The following IRF2BP2 variants were observed in gnomAD, a reference collection of about 807,000 sequenced individuals.
The protein encoded by IRF2BP2 is interferon regulatory factor 2-binding protein 2.
Under a neutral mutation model 32.7 loss-of-function variants are expected in IRF2BP2, and 13 were observed. The ratio of observed to expected loss-of-function variants is 0.40; its 90% CI spans 0.26 to 0.63. The LOEUF is 0.63. Ranked by LOEUF, IRF2BP2 falls within the 30% of genes least tolerant of loss-of-function variation. The probability of loss-of-function intolerance (pLI) is 0.42; values close to 1 mark genes in which losing one functional copy is unlikely to be tolerated. For missense variants in IRF2BP2, 980 were observed against 830.6 expected (o/e 1.18, Z -2.21); for synonymous variants, 555 against 384.6 (o/e 1.44, Z -5.18).
In IRF2BP2 at chr1:234,607,069, G is replaced by T; in HGVS notation, c.*68C>A. On this transcript the variant is annotated 3_prime_UTR_variant, in exon 2 of 2. Transcript: ENST00000366609. Reference sequence around the variant, plus strand: ...CTTGTCTTGGATATATATATATATGGAGATATATATACAATTCAAGCAGTT... The same window carrying T: ...CTTGTCTTGGATATATATATATATGTAGATATATATACAATTCAAGCAGTT... 1.2e-5 allele frequency: 12 copies of T among 987,280 alleles called. No individual in the cohort carries two copies. Among genetic ancestry groups the T allele is most frequent in the African/African-American group, 3.3e-5 (2 of 61,436 alleles). 61.2% of individuals were successfully genotyped at this position (987,280 alleles called of 1,614,324 possible).
rs1672207008 is a variant in IRF2BP2 at position 234,607,820 on chromosome 1, G to A, written c.1081C>T (p.Pro361Ser). The A allele has an allele frequency of 1.9e-6, 3 of 1,595,960 alleles. No individual in the cohort carries two copies. Among genetic ancestry groups the A allele is most frequent in the East Asian group, 4.5e-5 (2 of 44,566 alleles). Residue 361 changes from proline (P) to serine (S), a missense_variant, in exon 2 of 2, where the codon CCA (proline) becomes TCA (serine). Physicochemically the swap from Pro to Ser is moderately conservative, Grantham distance 74. Transcript: ENST00000366609. ...GGCCCGACTTCACCTTCTGGTTCTGGAGAGGGCTTCCTTTTCCTTGCTGTT... is the reference window on the plus strand; with the variant it reads ...GGCCCGACTTCACCTTCTGGTTCTGAAGAGGGCTTCCTTTTCCTTGCTGTT... ...ARTARKRKPS[P>S]EPEGEVGPPK...
chr1:234,607,827 C>A lies in IRF2BP2; in HGVS notation c.1074G>T (p.Lys358Asn), dbSNP rs775172451. 6.3e-7 allele frequency: 1 copy of A among 1,582,638 alleles called. No homozygotes were observed. ...CTTCACCTTCTGGTTCTGGAGAGGG[C>A]TTCCTTTTCCTTGCTGTTCTTGCAA... ...KAVARTARKR[K>N]PSPEPEGEVG... Residue 358 changes from lysine to asparagine, a missense_variant, in exon 2 of 2, where the codon AAG (lysine) becomes AAT (asparagine). Coordinates refer to ENST00000366609, the MANE Select transcript of IRF2BP2 (RefSeq NM_182972.3).
rs754906464 is a variant in IRF2BP2 at position 234,607,597 on chromosome 1, G to A, written c.1304C>T (p.Ala435Val). 6.2e-7 allele frequency: 1 copy of A among 1,614,246 alleles called. No homozygotes were observed. Among genetic ancestry groups the A allele is most frequent in the Admixed American group, 1.7e-5 (1 of 60,032 alleles). ...MAALILVADN[A>V]GGSHASKDAN... ...ATCTTTTGAGGCATGACTGCCCCCTGCATTGTCTGCTACTAAGATCAGGGC... is the reference window on the plus strand; with the variant it reads ...ATCTTTTGAGGCATGACTGCCCCCTACATTGTCTGCTACTAAGATCAGGGC... The change falls in exon 2 of 2, where the codon GCA becomes GTA. Residue 435 changes from alanine to valine, a missense_variant. Coordinates refer to ENST00000366609, the MANE Select transcript of IRF2BP2 (RefSeq NM_182972.3).
rs1173548507 is a variant in IRF2BP2, at chr1:234,606,465, A to AC, written c.*671_*672insG. 2 of 152,278 alleles carry AC rather than the reference A, an allele frequency of 1.3e-5. No individual in the cohort carries two copies. Among genetic ancestry groups the AC allele is most frequent in the Admixed American group, 6.5e-5 (1 of 15,300 alleles). The allele number at this position is 152,278 out of a possible 1,614,324, so 9.4% of individuals were successfully genotyped here. On this transcript the variant is annotated 3_prime_UTR_variant, in exon 2 of 2. Transcript: ENST00000366609. Reference sequence around the variant, plus strand: ...CAGCGGTCAACTTTGTCTTAAAAAAAAAAAAACAAAAAACCCCAAAAGACC... The same window carrying AC: ...CAGCGGTCAACTTTGTCTTAAAAAAACAAAAAACAAAAAACCCCAAAAGACC...
rs1200544113 is a variant in IRF2BP2, at chr1:234,609,264, G to A, written c.231C>T (p.Ala77=). The A allele has an allele frequency of 1.6e-5, 22 of 1,382,286 alleles. No homozygotes were observed. Among genetic ancestry groups the A allele is most frequent in the East Asian group, 3.1e-5 (1 of 32,476 alleles). 85.6% of individuals were successfully genotyped at this position (1,382,286 alleles called of 1,614,324 possible). The part of the protein sequence containing the change: ...PEGRSPPGAA[A]SAAAKPPPLS... The stretch of plus-strand genomic sequence containing the variant: ...GCGGCGGCGGCTTGGCGGCGGCCGA[G>A]GCCGCGGCGCCGGGTGGGGAGCGAC... The change falls in exon 1 of 2, where the codon GCC becomes GCT. Residue 77 remains alanine (A), a synonymous_variant. Transcript: ENST00000366609.
At position 234,604,482 on chromosome 1, in the gene IRF2BP2, A is replaced by G. The variant is rs1672111334; in HGVS notation, c.*2655T>C. On this transcript the variant is annotated 3_prime_UTR_variant, in exon 2 of 2. Coordinates refer to ENST00000366609, the MANE Select transcript of IRF2BP2 (RefSeq NM_182972.3). ...CTTCAACTTAAAAAAAGTAAAGGTT[A>G]AAAGGTGGCACACTTTTAAAATACT... The G allele has an allele frequency of 6.6e-6, 1 of 152,224 alleles. No homozygotes were observed. Among genetic ancestry groups the G allele is most frequent in the East Asian group, 1.9e-4 (1 of 5,206 alleles). The allele number at this position is 152,224 out of a possible 1,614,324, so 9.4% of individuals were successfully genotyped here. A position where few individuals can be genotyped will look rare whatever the true frequency, so the allele number is the denominator to read the frequency against.
Position 234,607,084 on chromosome 1 carries a change from T to C in IRF2BP2, c.*53A>G, listed in dbSNP as rs1008663873. 90 of 1,252,072 alleles carry C rather than the reference T, an allele frequency of 7.2e-5. No individual in the cohort carries two copies. In the African/African-American group the frequency reaches 1.1e-3, roughly 15 times the overall value. The allele number at this position is 1,252,072 out of a possible 1,614,324, so 77.6% of individuals were successfully genotyped here. ...TATATATATGGAGATATATATACAATTCAAGCAGTTTTAATTAAGGGTAAT... is the reference window on the plus strand; with the variant it reads ...TATATATATGGAGATATATATACAACTCAAGCAGTTTTAATTAAGGGTAAT... On this transcript the variant is annotated 3_prime_UTR_variant, in exon 2 of 2. Coordinates refer to ENST00000366609, the MANE Select transcript of IRF2BP2 (RefSeq NM_182972.3).
rs1396354478 is a variant in IRF2BP2 at position 234,609,622 on chromosome 1, G to A, written c.-128C>T. 1.2e-5 allele frequency: 5 copies of A among 418,936 alleles called. No homozygotes were observed. The highest frequency in any genetic ancestry group is 1.9e-5 in the Non-Finnish European group (5 of 269,196). 26.0% of individuals were successfully genotyped at this position (418,936 alleles called of 1,614,324 possible). On this transcript the variant is annotated 5_prime_UTR_variant, in exon 1 of 2. Coordinates refer to ENST00000366609, the MANE Select transcript of IRF2BP2 (RefSeq NM_182972.3). ...CCGCGTCTCCCCCACCAGCGGCGGCGGCGGCCGCAAAGGCGGCGGCGGCGG... is the reference window on the plus strand; with the variant it reads ...CCGCGTCTCCCCCACCAGCGGCGGCAGCGGCCGCAAAGGCGGCGGCGGCGG...
In IRF2BP2 at chr1:234,609,448, C is replaced by G; in HGVS notation, c.47G>C (p.Cys16Ser). The G allele has an allele frequency of 6.5e-7, 1 of 1,539,258 alleles. No individual in the cohort carries two copies. The highest frequency in any genetic ancestry group is 8.7e-7 in the Non-Finnish European group (1 of 1,145,742). Reference sequence around the variant, plus strand: ...CATGCGGGGCAGGTCACACAGGTAGCACGACTGCCGCCGGGACGCGGCCGC... The same window carrying G: ...CATGCGGGGCAGGTCACACAGGTAGGACGACTGCCGCCGGGACGCGGCCGC... ...AVAAASRRQS[C>S]YLCDLPRMPW... Residue 16 changes from cysteine to serine, a missense_variant, in exon 1 of 2, where the codon TGC becomes TCC. Physicochemically the swap from Cys to Ser is moderately radical, Grantham distance 112. Transcript: ENST00000366609.
At position 234,607,641 on chromosome 1, in the gene IRF2BP2, A is replaced by G. The variant is rs769071405; in HGVS notation, c.1260T>C (p.Asn420=). 44 of 1,614,202 alleles carry G rather than the reference A, an allele frequency of 2.7e-5. No individual in the cohort carries two copies. In the South Asian group the frequency reaches 4.2e-4, roughly 15 times the overall value. The change falls in exon 2 of 2, where the codon AAT becomes AAC. Residue 420 remains asparagine, a synonymous_variant. Transcript: ENST00000366609. ...TCAGGGCTGCCATGGGGGACTGGCCATTCTGGGCCGCTTCAGGCGGTGTGG... is the reference window on the plus strand; with the variant it reads ...TCAGGGCTGCCATGGGGGACTGGCCGTTCTGGGCCGCTTCAGGCGGTGTGG... ...NRTTPPEAAQ[N]GQSPMAALIL...
At position 234,609,512 on chromosome 1, in the gene IRF2BP2, C is replaced by T. The variant is rs778608243; in HGVS notation, c.-18G>A. ...GCGGCCATGTCCGAGGAGCCCGCGA[C>T]GCCGGAGGAGGAGGCGGAGGAGGAG... is the stretch of plus-strand genomic sequence containing the variant. On this transcript the variant is annotated 5_prime_UTR_variant, in exon 1 of 2. Coordinates refer to ENST00000366609, the MANE Select transcript of IRF2BP2 (RefSeq NM_182972.3). 8 of 1,441,942 alleles carry T rather than the reference C, an allele frequency of 5.5e-6. No homozygotes were observed. The highest frequency in any genetic ancestry group is 7.4e-6 in the Non-Finnish European group (8 of 1,087,854). The allele number at this position is 1,441,942 out of a possible 1,614,324, so 89.3% of individuals were successfully genotyped here.
chr1:234,609,514 C>T lies in IRF2BP2; in HGVS notation c.-20G>A, dbSNP rs1672282032. ...GGCCATGTCCGAGGAGCCCGCGACG[C>T]CGGAGGAGGAGGCGGAGGAGGAGGA... On this transcript the variant is annotated 5_prime_UTR_variant, in exon 1 of 2. Coordinates refer to ENST00000366609, the MANE Select transcript of IRF2BP2 (RefSeq NM_182972.3). 2 of 1,434,980 alleles carry T rather than the reference C, an allele frequency of 1.4e-6. No homozygotes were observed. Among genetic ancestry groups the T allele is most frequent in the South Asian group, 1.3e-5 (1 of 74,450 alleles). 88.9% of individuals were successfully genotyped at this position (1,434,980 alleles called of 1,614,324 possible).
In IRF2BP2 at chr1:234,609,327, C is replaced by T. The variant is rs773014796; in HGVS notation, c.168G>A (p.Ala56=). ...ADRVEFVIET[A]RQLKRAHGCF... ...AGCCGTGCGCCCGCTTGAGCTGCCG[C>T]GCCGTCTCGATGACGAACTCGACGC... is the stretch of plus-strand genomic sequence containing the variant. The change falls in exon 1 of 2, where the codon GCG becomes GCA. Residue 56 remains alanine, a synonymous_variant. Coordinates refer to ENST00000366609, the MANE Select transcript of IRF2BP2 (RefSeq NM_182972.3). The T allele has an allele frequency of 2.0e-6, 3 of 1,522,608 alleles. No individual in the cohort carries two copies. The highest frequency in any genetic ancestry group is 2.1e-4 in the Middle Eastern group (1 of 4,736). 94.3% of individuals were successfully genotyped at this position (1,522,608 alleles called of 1,614,324 possible).
chr1:234,609,518 A>G lies in IRF2BP2; in HGVS notation c.-24T>C. The G allele has an allele frequency of 7.0e-7, 1 of 1,420,428 alleles. No homozygotes were observed. The highest frequency in any genetic ancestry group is 9.3e-7 in the Non-Finnish European group (1 of 1,072,672). The allele number at this position is 1,420,428 out of a possible 1,614,324, so 88.0% of individuals were successfully genotyped here. A position where few individuals can be genotyped will look rare whatever the true frequency, so the allele number is the denominator to read the frequency against. ...ATGTCCGAGGAGCCCGCGACGCCGG[A>G]GGAGGAGGCGGAGGAGGAGGAGGGG... On this transcript the variant is annotated 5_prime_UTR_variant, in exon 1 of 2. Coordinates refer to ENST00000366609, the MANE Select transcript of IRF2BP2 (RefSeq NM_182972.3).
rs1324864551 is a variant in IRF2BP2, at chr1:234,609,523, G to A, written c.-29C>T. On this transcript the variant is annotated 5_prime_UTR_variant, in exon 1 of 2. Coordinates refer to ENST00000366609, the MANE Select transcript of IRF2BP2 (RefSeq NM_182972.3). The stretch of plus-strand genomic sequence containing the variant: ...CGAGGAGCCCGCGACGCCGGAGGAG[G>A]AGGCGGAGGAGGAGGAGGGGGCGCC... 42 of 1,384,036 alleles carry A rather than the reference G, an allele frequency of 3.0e-5. No homozygotes were observed. Among genetic ancestry groups the A allele is most frequent in the Admixed American group, 5.4e-5 (2 of 36,948 alleles). 85.7% of individuals were successfully genotyped at this position (1,384,036 alleles called of 1,614,324 possible).
Position 234,609,564 on chromosome 1 carries a change from C to G in IRF2BP2, c.-70G>C, listed in dbSNP as rs996781449. ...AGGGGGCGCCGCCGCCGCCCCCCAC[C>G]GGCACCACGCGCGCCCTCCTCCCCC... On this transcript the variant is annotated 5_prime_UTR_variant, in exon 1 of 2. Transcript: ENST00000366609. The G allele has an allele frequency of 1.5e-4, 139 of 936,082 alleles. No homozygotes were observed. The Middle Eastern group carries it at 2.3e-3, about 15-fold the overall frequency. 58.0% of individuals were successfully genotyped at this position (936,082 alleles called of 1,614,324 possible).
rs547510369 is a variant in IRF2BP2 at position 234,607,133 on chromosome 1, A to G, written c.*4T>C. ...ATCATTGGGTTTTTCTGAAACCGGAAAAGTCACGAGTCTCTCTCTTTTTTC... is the reference window on the plus strand; with the variant it reads ...ATCATTGGGTTTTTCTGAAACCGGAGAAGTCACGAGTCTCTCTCTTTTTTC... On this transcript the variant is annotated 3_prime_UTR_variant, in exon 2 of 2. Transcript: ENST00000366609. 6 of 1,602,140 alleles carry G rather than the reference A, an allele frequency of 3.7e-6. No individual in the cohort carries two copies. The highest frequency in any genetic ancestry group is 4.5e-5 in the East Asian group (2 of 44,652).
chr1:234,609,344 A>C lies in IRF2BP2; in HGVS notation c.151T>G (p.Phe51Val). 6.5e-7 allele frequency: 1 copy of C among 1,535,402 alleles called. No individual in the cohort carries two copies. The highest frequency in any genetic ancestry group is 8.7e-7 in the Non-Finnish European group (1 of 1,143,776). ...AGCTGCCGCGCCGTCTCGATGACGA[A>C]CTCGACGCGGTCGGCGCCCTCGTAG... ...VNYEGADRVEFVIETARQLKR... is the reference protein window; with the variant it reads ...VNYEGADRVEVVIETARQLKR... The change falls in exon 1 of 2, where the codon TTC (phenylalanine) becomes GTC (valine). Residue 51 changes from phenylalanine (F) to valine (V), a missense_variant. Coordinates refer to ENST00000366609, the MANE Select transcript of IRF2BP2 (RefSeq NM_182972.3).
At position 234,609,756 on chromosome 1, in the gene IRF2BP2, CCGGGCACGGGCGGGCGGCGCGGCG is replaced by C. The variant is rs1334022578; in HGVS notation, c.-286_-263del. Among the ~76,000 whole-genome samples the C allele has an allele frequency of 1.4e-5, 2 of 144,308 alleles. No individual in the cohort carries two copies. The allele number at this position is 144,308 out of a possible 152,430, so 94.7% of individuals were successfully genotyped here. On this transcript the variant is annotated 5_prime_UTR_variant, in exon 1 of 2. Coordinates refer to ENST00000366609, the MANE Select transcript of IRF2BP2 (RefSeq NM_182972.3). ...GCGGCAGCAGTTCCCCCCGGCCGGC[CCGGGCACGGGCGGGCGGCGCGGCG>C]CGGCGGGGCGGCGGGCGCGGCGGTG...
Sources: allele counts gnomAD v4.1 joint callset (sites outside exome capture counted in the v4.1 genomes callset), GRCh38; gene constraint gnomAD v4.1.1; transcripts MANE v1.5; gene names NCBI Gene and HGNC (gene_info 2026-07-23, HGNC 2026-07-21).